The following STXBP4 variants were observed in gnomAD, a reference collection of about 807,000 sequenced individuals.
STXBP4 encodes syntaxin binding protein 4.
In STXBP4, 55 loss-of-function variants were observed where a neutral mutation model predicts 76.1. The observed-to-expected ratio is 0.72, with a 90% CI of 0.58 to 0.91. The LOEUF (loss-of-function observed/expected upper bound fraction) is 0.91. Among genes scored for constraint, STXBP4 ranks in the 40% least tolerant of loss-of-function variants. STXBP4 has a pLI of 0.00. For missense variants in STXBP4, 618 were observed against 636.9 expected, an observed-to-expected ratio of 0.97 and a Z score of 0.32; for synonymous variants, 201 against 220.2, an observed-to-expected ratio of 0.91 and a Z score of 0.77.
chr17:54,975,626 G>A (rs1034447422), intron 1 of STXBP4, among the ~76,000 whole-genome samples: 9 of 152,132 alleles, frequency 5.9e-5, no homozygotes, highest in African/African-American at 2.2e-4. Flanking sequence ...GAGATAAAGG[G>A]AAAGGCAAAT....
At chr17:55,134,498 C>G (rs1052592800) in intron 16 of STXBP4, among the ~76,000 whole-genome samples, 3 of 151,820 alleles carry the variant, frequency 2.0e-5, no homozygotes, top group African/African-American at 7.3e-5. Context: ...TTATTTCATC[C>G]AAAACAATTA....
chr17:54,995,339 T>A (rs973692976), intron 4 of STXBP4, among the ~76,000 whole-genome samples: 1 of 152,228 alleles, frequency 6.6e-6, no homozygotes, highest in Non-Finnish European at 1.5e-5. Context: ...TGTTCATTTT[T>A]ATTTCTTTCT....
At chr17:55,185,338 C>CCTCCTT in the STXBP4 span, among the ~76,000 whole-genome samples, 1 of 135,934 alleles carries the variant, frequency 7.4e-6, no homozygotes, top group Non-Finnish European at 1.6e-5. Flanking sequence ...TCCTCCTCCT[C>CCTCCTT]CTCCTCCTCC....
intron 16 of STXBP4, among the ~76,000 whole-genome samples, chr17:55,088,398 A>AC (rs1397490354): frequency 6.6e-6 from 1 of 152,300 alleles, no homozygotes; most frequent in East Asian, 1.9e-4. Context: ...ACAGCTTAAA[A>AC]CCAGGCTCTA....
chr17:55,013,577 GTATT>G (rs2078150165), intron 8 of STXBP4, among the ~76,000 whole-genome samples: 1 of 152,228 alleles, frequency 6.6e-6, no homozygotes, highest in African/African-American at 2.4e-5. Flanking sequence ...TTAGTCCTAA[GTATT>G]TAACCTGCTG....
chr17:55,116,730 C>T (rs1011893582), intron 16 of STXBP4, among the ~76,000 whole-genome samples: 14 of 151,652 alleles, frequency 9.2e-5, no homozygotes, highest in Non-Finnish European at 1.0e-4. Context: ...TGTTAAAACA[C>T]GATTATCTTA....
At position 55,167,983 on chromosome 17, in the gene STXBP4, C is replaced by T. The variant is rs1294718089; in HGVS notation, c.*8072C>T. ...TGGAATATGAAAAGATGTTTATGAG[C>T]AGATTCTATTTCTTTAGGCAGTTTT... On this transcript the variant is annotated 3_prime_UTR_variant, in exon 18 of 18. Coordinates refer to ENST00000376352, the MANE Select transcript of STXBP4 (RefSeq NM_178509.6). 3 of 152,258 alleles carry T rather than the reference C, an allele frequency of 2.0e-5. No homozygotes were observed. Among genetic ancestry groups the T allele is most frequent in the Middle Eastern group, 3.4e-3 (1 of 294 alleles). The allele number at this position is 152,258 out of a possible 1,614,324, so 9.4% of individuals were successfully genotyped here.
intron 12 of STXBP4, among the ~76,000 whole-genome samples, chr17:55,051,201 TCTA>T (rs914623258): frequency 2.0e-5 from 3 of 152,154 alleles, no homozygotes; most frequent in African/African-American, 7.2e-5. Context: ...ATGTTAATAT[TCTA>T]CTCATTCGAA....
intron 16 of STXBP4, among the ~76,000 whole-genome samples, chr17:55,129,991 A>G (rs1029146869): frequency 6.6e-5 from 10 of 152,174 alleles, no homozygotes; most frequent in African/African-American, 2.4e-4. Context: ...AGAAATATGT[A>G]AAGGACTCTA....
At chr17:55,197,472 T>C in the STXBP4 span, among the ~76,000 whole-genome samples, 3 of 152,200 alleles carry the variant, frequency 2.0e-5, no homozygotes, top group South Asian at 2.1e-4. Context: ...GGCCAGGCGC[T>C]GTGGCTCACG....
intron 16 of STXBP4, among the ~76,000 whole-genome samples, chr17:55,084,392 G>A (rs1447266240): frequency 6.6e-6 from 1 of 152,202 alleles, no homozygotes; most frequent in Non-Finnish European, 1.5e-5. Flanking sequence ...CCCTTTGTCA[G>A]ATGAGTAGGT....
intron 1 of STXBP4, among the ~76,000 whole-genome samples, chr17:54,972,170 T>C (rs184755369): frequency 3.3e-5 from 5 of 152,362 alleles, no homozygotes; most frequent in African/African-American, 1.2e-4. Context: ...TGTTACAAGG[T>C]GAATTAGCAA....
At chr17:55,124,684 A>G (rs1450873568) in intron 16 of STXBP4, among the ~76,000 whole-genome samples, 1 of 152,204 alleles carries the variant, frequency 6.6e-6, no homozygotes, top group Non-Finnish European at 1.5e-5. Flanking sequence ...ATCCATTTTT[A>G]TTGCTGTATT....
At chr17:55,123,479 G>C (rs771574708) in intron 16 of STXBP4, among the ~76,000 whole-genome samples, 1 of 152,102 alleles carries the variant, frequency 6.6e-6, no homozygotes, top group Non-Finnish European at 1.5e-5. Context: ...TCTTTACTAA[G>C]TGCTGCCAGA....
At chr17:55,148,193 G>A (rs762583364) in intron 17 of STXBP4, among the ~76,000 whole-genome samples, 6 of 152,138 alleles carry the variant, frequency 3.9e-5, no homozygotes, top group Non-Finnish European at 8.8e-5. Context: ...CTATACTTGG[G>A]TTAAGACAGC....
chr17:55,124,049 T>C (rs1483757781), intron 16 of STXBP4, among the ~76,000 whole-genome samples: 5 of 152,190 alleles, frequency 3.3e-5, no homozygotes, highest in African/African-American at 1.2e-4. Flanking sequence ...CTGGATTGTG[T>C]CAGCCTAAGA....
chr17:55,159,891 CT>C lies in STXBP4; in HGVS notation c.1643del (p.Leu548ProfsTer11), dbSNP rs1388579190. 1 of 1,612,320 alleles carries C rather than the reference CT, an allele frequency of 6.2e-7. No homozygotes were observed. Among genetic ancestry groups the C allele is most frequent in the Non-Finnish European group, 8.5e-7 (1 of 1,178,708 alleles). On this transcript the variant is annotated frameshift_variant, in exon 18 of 18. Transcript: ENST00000376352. LOFTEE classifies it high-confidence loss of function. ...EENEEDCSRE[L>X]PNQKS ...GAATGAAGAGGATTGCTCTAGAGAA[CT>C]CCCCAACCAGAAAAGTTGATGGTTT...
chr17:55,188,331 A>G, the STXBP4 span, among the ~76,000 whole-genome samples: 1 of 152,194 alleles, frequency 6.6e-6, no homozygotes, highest in East Asian at 1.9e-4. Flanking sequence ...AATTTAGACT[A>G]TATGCTCCCT....
At chr17:55,043,154 A>T (rs528528264) in intron 10 of STXBP4, 82 bp from the exon 11 acceptor site, 472 of 606,942 alleles carry the variant, frequency 7.8e-4, no homozygotes, top group Non-Finnish European at 1.1e-3. Flanking sequence ...GAAGCCTAAG[A>T]TTAGTCAAAA....
Sources: gnomAD v4.1 joint callset for allele counts (sites outside exome capture counted in the v4.1 genomes callset) on GRCh38, gnomAD v4.1.1 for gene constraint, MANE v1.5 for transcripts, NCBI Gene and HGNC (gene_info 2026-07-23, HGNC 2026-07-21) for gene names.